Variants in CELF2 observed in about 807,000 individuals in gnomAD.
CELF2 encodes the protein CUGBP Elav-like family member 2.
CELF2 carries 8 observed loss-of-function variants against 62.6 expected under a neutral mutation model. The observed-to-expected ratio is 0.13, with a 90% CI of 0.07 to 0.23. CELF2 has a LOEUF of 0.23. CELF2 is among the 10% of genes least tolerant of loss of function. The pLI, the probability that CELF2 is intolerant of heterozygous loss-of-function variation, is 1.00. For synonymous variants in CELF2, 258 were observed against 250.0 expected (o/e 1.03, Z -0.30); for missense variants, 333 against 671.0 (o/e 0.50, Z 5.56).
At chr10:10,778,829 C>A in the CELF2 span, among the ~76,000 whole-genome samples, 1 of 152,080 alleles carries the variant, frequency 6.6e-6, no homozygotes, top group Admixed American at 6.6e-5. Flanking sequence ...ATATATGGTG[C>A]AATGGGATTG....
the CELF2 span, among the ~76,000 whole-genome samples, chr10:10,531,539 A>G: frequency 6.6e-6 from 1 of 152,120 alleles, no homozygotes; most frequent in Non-Finnish European, 1.5e-5. Context: ...CCTATTCTGA[A>G]TCAGTCTCTT....
chr10:10,618,561 G>A, the CELF2 span, among the ~76,000 whole-genome samples: 2 of 152,002 alleles, frequency 1.3e-5, no homozygotes, highest in Admixed American at 6.5e-5. Flanking sequence ...TCATGGCAAC[G>A]CTTATGGTGG....
intron 1 of CELF2, among the ~76,000 whole-genome samples, chr10:10,799,254 G>A (rs1216809936): frequency 2.0e-5 from 3 of 152,074 alleles, no homozygotes; most frequent in African/African-American, 7.2e-5. Context: ...CAAGGTGGAT[G>A]GATCCCTTTG....
chr10:10,998,533 G>T (rs556234916), intron 2 of CELF2, among the ~76,000 whole-genome samples: 1 of 152,202 alleles, frequency 6.6e-6, no homozygotes, highest in Non-Finnish European at 1.5e-5. Context: ...TTAAGGAAAT[G>T]TGTGGGGCCT....
intron 2 of CELF2, among the ~76,000 whole-genome samples, chr10:10,975,484 G>C (rs1256247209): frequency 1.3e-5 from 2 of 152,174 alleles, no homozygotes; most frequent in Non-Finnish European, 2.9e-5. Flanking sequence ...CCAGGGATCA[G>C]AAGTTCAAAT....
At chr10:10,853,912 G>C (rs1044182442) in intron 1 of CELF2, among the ~76,000 whole-genome samples, 3 of 152,126 alleles carry the variant, frequency 2.0e-5, no homozygotes, top group Admixed American at 1.3e-4. Flanking sequence ...GCAAGACTTC[G>C]CATGTACGAA....
chr10:10,462,885 ATTGT>A, the CELF2 span, among the ~76,000 whole-genome samples: 1 of 151,958 alleles, frequency 6.6e-6, no homozygotes, highest in Non-Finnish European at 1.5e-5. Flanking sequence ...TGAGTTGTTG[ATTGT>A]TTGGAGTTGC....
intron 4 of CELF2, among the ~76,000 whole-genome samples, chr10:11,257,317 C>T (rs1411971789): frequency 8.8e-6 from 1 of 113,384 alleles, no homozygotes; most frequent in Admixed American, 1.2e-4. Flanking sequence ...CCCTGTCATT[C>T]AGGTTAAAAG....
chr10:11,269,761 G>A lies in CELF2; in HGVS notation c.619-905G>A, dbSNP rs1446440502. 2.0e-5 allele frequency among the ~76,000 whole-genome samples: 3 copies of A among 152,138 alleles called. No individual in the cohort carries two copies. The highest frequency in any genetic ancestry group is 4.4e-5 in the Non-Finnish European group (3 of 68,030). ...GAGGTCTTCGTGCTTGGGGTGTTAG[G>A]CCCTTATTATCCCTGATGATTTTAT... On this transcript the variant is annotated intron_variant, in intron 6 of 12. Coordinates refer to ENST00000633077, the MANE Select transcript of CELF2 (RefSeq NM_001326342.2). This position sits in a 1 kb window ranked among gnomAD's most constrained non-coding sequence, Gnocchi z 4.4.
At chr10:10,965,497 A>G (rs950022594) in intron 2 of CELF2, among the ~76,000 whole-genome samples, 1 of 152,232 alleles carries the variant, frequency 6.6e-6, no homozygotes, top group Non-Finnish European at 1.5e-5. Flanking sequence ...TTGAAATTCA[A>G]TTCTGGGCCT....
At chr10:10,982,478 C>G (rs2052258733) in intron 2 of CELF2, among the ~76,000 whole-genome samples, 1 of 152,142 alleles carries the variant, frequency 6.6e-6, no homozygotes, top group Non-Finnish European at 1.5e-5. Flanking sequence ...ATCTGGAGAT[C>G]TTGGGGGCAT....
the CELF2 span, among the ~76,000 whole-genome samples, chr10:10,468,278 G>A: frequency 1.3e-5 from 2 of 151,882 alleles, no homozygotes; most frequent in African/African-American, 4.8e-5. Context: ...AAGCAAAATG[G>A]CTTGAGCATC....
intron 1 of CELF2, among the ~76,000 whole-genome samples, chr10:11,036,051 A>G (rs1202184982): frequency 2.0e-5 from 3 of 152,210 alleles, no homozygotes; most frequent in Non-Finnish European, 2.9e-5. Flanking sequence ...AGCTAATTCA[A>G]ACTGCAGGAA....
intron 4 of CELF2, among the ~76,000 whole-genome samples, chr10:11,256,458 A>C (rs977029038): frequency 6.6e-6 from 1 of 152,226 alleles, no homozygotes; most frequent in Non-Finnish European, 1.5e-5. Context: ...CCAATTAAAT[A>C]GGAATGACAA....
intron 1 of CELF2, among the ~76,000 whole-genome samples, chr10:10,902,413 T>C (rs1278451347): frequency 5.3e-5 from 8 of 152,192 alleles, no homozygotes; most frequent in Admixed American, 5.2e-4. Flanking sequence ...TACTCAGCAA[T>C]GAAAGGTAAT....
At chr10:11,058,345 A>G (rs1052962670) in intron 1 of CELF2, among the ~76,000 whole-genome samples, 2 of 151,862 alleles carry the variant, frequency 1.3e-5, no homozygotes, top group Admixed American at 6.6e-5. Context: ...TTTGCATCCC[A>G]CTTCACTTCT....
chr10:10,463,732 C>A, the CELF2 span, among the ~76,000 whole-genome samples: 4 of 152,090 alleles, frequency 2.6e-5, no homozygotes. Context: ...GGTCAAGAAA[C>A]TTAGGAACTA....
chr10:11,014,720 C>T (rs1424837613), upstream of CELF2, among the ~76,000 whole-genome samples: 1 of 152,074 alleles, frequency 6.6e-6, no homozygotes, highest in Non-Finnish European at 1.5e-5. Context: ...GGAGCTGAAA[C>T]TGCACAGTGC....
the CELF2 span, among the ~76,000 whole-genome samples, chr10:10,773,025 T>TG: frequency 2.6e-5 from 4 of 152,124 alleles, no homozygotes; most frequent in African/African-American, 7.2e-5. Context: ...CACATTTGAA[T>TG]GGGGGGGACA....
Sources: allele counts gnomAD v4.1 joint callset (sites outside exome capture counted in the v4.1 genomes callset), GRCh38; gene constraint gnomAD v4.1.1; non-coding constraint Gnocchi (gnomAD v3.1); transcripts MANE v1.5; gene names NCBI Gene and HGNC (gene_info 2026-07-23, HGNC 2026-07-21).